Variants in UBE3C observed in about 807,000 individuals in gnomAD.
The protein encoded by UBE3C is ubiquitin protein ligase E3C.
Under a neutral mutation model 129.4 loss-of-function variants are expected in UBE3C, and 42 were observed. That is an observed-to-expected ratio of 0.32 (90% CI 0.25 to 0.42). The LOEUF is 0.42. UBE3C is among the 10% of genes least tolerant of loss of function. UBE3C has a pLI of 1.00. For missense variants in UBE3C, 1,049 were observed against 1,319.1 expected, an observed-to-expected ratio of 0.80 and a Z score of 3.17; for synonymous variants, 510 against 492.4, an observed-to-expected ratio of 1.04 and a Z score of -0.47.
chr7:157,187,734 G>T (rs1241204916), intron 10 of UBE3C, among the ~76,000 whole-genome samples: 1 of 151,552 alleles, frequency 6.6e-6, no homozygotes. Flanking sequence ...CCGCCACCTC[G>T]CCCGGCTAAT....
At chr7:157,236,592 T>G (rs1343178036) in intron 18 of UBE3C, among the ~76,000 whole-genome samples, 3 of 152,202 alleles carry the variant, frequency 2.0e-5, no homozygotes, top group East Asian at 3.8e-4. Flanking sequence ...ATCATTAGCA[T>G]CCTTTTGTAA....
Position 157,233,102 on chromosome 7 carries a change from A to ATT in UBE3C, c.2481+1785_2481+1786dup, listed in dbSNP as rs113348430. ...ACTAGTCTACTTTCAGTCTGTATGG[A>ATT]TTTTTTTTTTTCTAGACATTTCATA... On this transcript the variant is annotated intron_variant, in intron 18 of 22. Coordinates refer to ENST00000348165, the MANE Select transcript of UBE3C (RefSeq NM_014671.3). Among the ~76,000 whole-genome samples the ATT allele has an allele frequency of 5.4e-5, 8 of 148,358 alleles. No homozygotes were observed. The East Asian group carries it at 7.9e-4, about 15-fold the overall frequency.
intron 18 of UBE3C, among the ~76,000 whole-genome samples, chr7:157,240,215 C>T (rs189986035): frequency 9.2e-5 from 14 of 152,206 alleles, no homozygotes; most frequent in African/African-American, 2.2e-4. Flanking sequence ...CCACCACGCC[C>T]GGCTAATTTT....
At chr7:157,170,575 C>T (rs1327480313) in intron 4 of UBE3C, 125 bp downstream of exon 4, 5 of 1,053,474 alleles carry the variant, frequency 4.7e-6, no homozygotes, top group Non-Finnish European at 6.3e-6. Context: ...TTGCAAACTT[C>T]TCAGCTAGCT....
At chr7:157,214,367 T>C (rs1809678270) in intron 13 of UBE3C, among the ~76,000 whole-genome samples, 1 of 152,142 alleles carries the variant, frequency 6.6e-6, no homozygotes, top group South Asian at 2.1e-4. Flanking sequence ...TGAATAGAAA[T>C]AGATATCTAG....
At chr7:157,227,050 G>A (rs372325626) in intron 17 of UBE3C, among the ~76,000 whole-genome samples, 2 of 152,154 alleles carry the variant, frequency 1.3e-5, no homozygotes, top group East Asian at 1.9e-4. Flanking sequence ...ACTTGACCCT[G>A]GAGGTCTTTA....
chr7:157,193,392 A>G (rs1809028416), intron 10 of UBE3C, among the ~76,000 whole-genome samples: 1 of 152,058 alleles, frequency 6.6e-6, no homozygotes, highest in Admixed American at 6.6e-5. Context: ...CTTAGAGGGG[A>G]ATTCTCAGAG....
At chr7:157,232,051 T>A (rs1213190944) in intron 18 of UBE3C, among the ~76,000 whole-genome samples, 2 of 152,216 alleles carry the variant, frequency 1.3e-5, no homozygotes, top group African/African-American at 2.4e-5. Context: ...CTTCTGGTTT[T>A]GCCAGTAGCC....
rs1796642043 is a variant in UBE3C, at chr7:157,252,430, T to C, written c.2695-1524T>C. On this transcript the variant is annotated intron_variant, in intron 19 of 22. Transcript: ENST00000348165. ...TTTAATCAGAATGAAGACAATGGAA[T>C]TGAAAGCCCATTCTTAGGCTTGATG... Among the ~76,000 whole-genome samples, 6 of 152,258 alleles carry C rather than the reference T, an allele frequency of 3.9e-5. No individual in the cohort carries two copies. The South Asian group carries it at 1.2e-3, about 31-fold the overall frequency.
chr7:157,241,576 G>A (rs1796326996), intron 18 of UBE3C, among the ~76,000 whole-genome samples: 3 of 152,244 alleles, frequency 2.0e-5, no homozygotes, highest in South Asian at 2.1e-4. Context: ...TGGTGAGGAT[G>A]TGGAGGAATC....
intron 9 of UBE3C, among the ~76,000 whole-genome samples, chr7:157,184,781 C>T (rs1220581002): frequency 6.6e-6 from 1 of 152,126 alleles, no homozygotes; most frequent in African/African-American, 2.4e-5. Context: ...CAAAGAGCTT[C>T]ACTAGTATCG....
intron 10 of UBE3C, among the ~76,000 whole-genome samples, chr7:157,191,313 A>G (rs2116953340): frequency 6.6e-6 from 1 of 152,326 alleles, no homozygotes; most frequent in East Asian, 1.9e-4. Flanking sequence ...GTTTTCTGAA[A>G]CAAGGTCTCA....
At chr7:157,225,940 ACCCAGT>A (rs1242441375) in intron 17 of UBE3C, among the ~76,000 whole-genome samples, 1 of 152,170 alleles carries the variant, frequency 6.6e-6, no homozygotes, top group Non-Finnish European at 1.5e-5. Flanking sequence ...GTAGAGCCAG[ACCCAGT>A]CTCCAAAAAA....
chr7:157,208,606 TTTTA>T (rs776199238), intron 13 of UBE3C, among the ~76,000 whole-genome samples: 34 of 152,210 alleles, frequency 2.2e-4, no homozygotes, highest in Non-Finnish European at 4.7e-4. Flanking sequence ...ATTTCTTAGA[TTTTA>T]TTGTTTTTTC....
At chr7:157,209,189 G>A (rs909802430) in intron 13 of UBE3C, among the ~76,000 whole-genome samples, 1 of 152,186 alleles carries the variant, frequency 6.6e-6, no homozygotes, top group African/African-American at 2.4e-5. Flanking sequence ...ATTAAGGAAT[G>A]CTTATTCATC....
chr7:157,175,188 T>G (rs1178634216), intron 5 of UBE3C, among the ~76,000 whole-genome samples, 154 bp downstream of exon 5: 2 of 146,886 alleles, frequency 1.4e-5, no homozygotes, highest in Non-Finnish European at 3.0e-5. Context: ...TATATTACAA[T>G]TTTTACTGTA....
At position 157,246,899 on chromosome 7, in the gene UBE3C, CTT is replaced by C. The variant is rs111443798; in HGVS notation, c.2482-1463_2482-1462del. Among the ~76,000 whole-genome samples, 4 of 152,068 alleles carry C rather than the reference CTT, an allele frequency of 2.6e-5. No individual in the cohort carries two copies. In the South Asian group the frequency reaches 8.3e-4, roughly 32 times the overall value. Reference sequence around the variant, plus strand: ...TCTCTCTGAAGACTGGATATTTTCTCTTTTTTTGAGACGGAGTTTTTGCTCTT... The same window carrying C: ...TCTCTCTGAAGACTGGATATTTTCTCTTTTTGAGACGGAGTTTTTGCTCTT... On this transcript the variant is annotated intron_variant, in intron 18 of 22. Transcript: ENST00000348165.
At chr7:157,208,506 A>G (rs1809502907) in intron 13 of UBE3C, among the ~76,000 whole-genome samples, 1 of 152,154 alleles carries the variant, frequency 6.6e-6, no homozygotes, top group Non-Finnish European at 1.5e-5. Context: ...ACCTTGTTAC[A>G]TGCATCTTTT....
Position 157,183,990 on chromosome 7 carries a change from TGAG to T in UBE3C, c.1111_1113del (p.Glu371del). On this transcript the variant is annotated inframe_deletion, in exon 9 of 23. Coordinates refer to ENST00000348165, the MANE Select transcript of UBE3C (RefSeq NM_014671.3). ...GCTGTCACGACTCAGCCAGTGACTC[TGAG>T]GAGGAGAGTGAAGAAGCCGACAAGC... 6.2e-7 allele frequency: 1 copy of T among 1,614,178 alleles called. No homozygotes were observed. Among genetic ancestry groups the T allele is most frequent in the Non-Finnish European group, 8.5e-7 (1 of 1,180,020 alleles).
Sources: gnomAD v4.1 joint callset for allele counts (sites outside exome capture counted in the v4.1 genomes callset) on GRCh38, gnomAD v4.1.1 for gene constraint, MANE v1.5 for transcripts, NCBI Gene and HGNC (gene_info 2026-07-23, HGNC 2026-07-21) for gene names.